FMN1: variants seen among roughly 807,000 people sequenced by gnomAD.
The protein encoded by FMN1 is formin-1.
In FMN1, 110 loss-of-function variants were observed where a neutral mutation model predicts 132.4. The ratio of observed to expected loss-of-function variants is 0.83; its 90% confidence interval spans 0.71 to 0.97. The LOEUF (loss-of-function observed/expected upper bound fraction) is 0.97, where lower values mean the gene tolerates loss of function less well. Ranked by LOEUF, FMN1 falls within the 50% of genes least tolerant of loss-of-function variation. FMN1 has a pLI of 0.00. For missense variants in FMN1, 1,792 were observed against 1,705.3 expected, an observed-to-expected ratio of 1.05 and a Z score of -0.90; for synonymous variants, 722 against 651.7, an observed-to-expected ratio of 1.11 and a Z score of -1.64.
chr15:33,078,810 A>G (rs1242777894), intron 5 of FMN1, among the ~76,000 whole-genome samples: 3 of 152,006 alleles, frequency 2.0e-5, no homozygotes, highest in South Asian at 4.1e-4. Context: ...GAGAGAGAGG[A>G]AAAAAATGCT....
intron 16 of FMN1, among the ~76,000 whole-genome samples, chr15:32,876,729 C>T (rs1393611555): frequency 2.0e-5 from 3 of 152,148 alleles, no homozygotes; most frequent in Non-Finnish European, 4.4e-5. Context: ...AGAGTCTTTA[C>T]TGAACTTTAA....
intron 4 of FMN1, among the ~76,000 whole-genome samples, chr15:33,144,505 C>G (rs893529619): frequency 6.6e-6 from 1 of 151,726 alleles, no homozygotes; most frequent in Non-Finnish European, 1.5e-5. Flanking sequence ...GGCGTGGTGG[C>G]AGGTGCCTGT....
At chr15:33,048,644 A>AACAAAAAAAAAAAC (rs1555388955) in intron 6 of FMN1, among the ~76,000 whole-genome samples, 1 of 86,920 alleles carries the variant, frequency 1.2e-5, no homozygotes. Flanking sequence ...AAAAAAAAAA[A>AACAAAAAAAAAAAC]AAAAACCAAC....
At chr15:33,005,944 T>G (rs1387889944) in intron 7 of FMN1, among the ~76,000 whole-genome samples, 2 of 152,212 alleles carry the variant, frequency 1.3e-5, no homozygotes, top group African/African-American at 2.4e-5. Context: ...TTCCACTTTT[T>G]TGTTTCTTTG....
At chr15:32,899,294 A>C (rs2060236782) in intron 14 of FMN1, among the ~76,000 whole-genome samples, 1 of 152,162 alleles carries the variant, frequency 6.6e-6, no homozygotes. Context: ...ATGGTGTGAA[A>C]AACAATCCAG....
At chr15:32,937,832 T>C (rs767109823) in intron 9 of FMN1, among the ~76,000 whole-genome samples, 2 of 151,984 alleles carry the variant, frequency 1.3e-5, no homozygotes, top group Non-Finnish European at 2.9e-5. Flanking sequence ...AGAAAAAGAG[T>C]AGAAGAAACA....
intron 10 of FMN1, among the ~76,000 whole-genome samples, chr15:32,923,081 G>A (rs374763719): frequency 2.0e-5 from 3 of 152,284 alleles, no homozygotes; most frequent in East Asian, 3.9e-4. Context: ...TGGAAAGTAT[G>A]AGTTAATCCC....
At chr15:33,188,258 T>C (rs1965957117) in intron 2 of FMN1, among the ~76,000 whole-genome samples, 1 of 152,154 alleles carries the variant, frequency 6.6e-6, no homozygotes, top group African/African-American at 2.4e-5. Context: ...GAGAATTGCT[T>C]GAACCCAGGA....
intron 6 of FMN1, among the ~76,000 whole-genome samples, chr15:33,023,650 A>G (rs1337853499): frequency 6.6e-6 from 1 of 152,180 alleles, no homozygotes; most frequent in Non-Finnish European, 1.5e-5. Flanking sequence ...AATTAATTGA[A>G]AGTGCAGCAT....
intron 17 of FMN1, among the ~76,000 whole-genome samples, chr15:32,838,597 G>A (rs1457022882): frequency 6.6e-6 from 1 of 152,166 alleles, no homozygotes; most frequent in Non-Finnish European, 1.5e-5. Flanking sequence ...TTAAAGCCCC[G>A]CTTAAAGCGG....
chr15:33,102,854 T>C (rs1444444492), intron 4 of FMN1, among the ~76,000 whole-genome samples: 3 of 152,148 alleles, frequency 2.0e-5, no homozygotes, highest in Non-Finnish European at 4.4e-5. Flanking sequence ...AAATGTACTT[T>C]TAGCAAATTT....
intron 4 of FMN1, among the ~76,000 whole-genome samples, chr15:33,112,655 T>G (rs535450812): frequency 6.6e-6 from 1 of 152,158 alleles, no homozygotes; most frequent in Non-Finnish European, 1.5e-5. Flanking sequence ...CTGGCCTATA[T>G]TCTACTTGTA....
At chr15:33,189,974 G>A (rs1350416925) in intron 2 of FMN1, among the ~76,000 whole-genome samples, 1 of 152,196 alleles carries the variant, frequency 6.6e-6, no homozygotes, top group African/African-American at 2.4e-5. Context: ...CCATAGGGAT[G>A]TGCTTTCGGT....
intron 3 of FMN1, among the ~76,000 whole-genome samples, chr15:33,168,919 G>T (rs888051404): frequency 6.6e-6 from 1 of 152,240 alleles, no homozygotes; most frequent in Non-Finnish European, 1.5e-5. Flanking sequence ...AAAAAGTGGT[G>T]CCGCCTTGGG....
At chr15:32,780,018 C>A (rs537219180) in intron 19 of FMN1, among the ~76,000 whole-genome samples, 1 of 152,336 alleles carries the variant, frequency 6.6e-6, no homozygotes, top group Admixed American at 6.5e-5. Context: ...AGAATTAATT[C>A]TCAGCCCTAT....
At chr15:33,125,865 A>C (rs1304205320) in intron 4 of FMN1, among the ~76,000 whole-genome samples, 2 of 152,232 alleles carry the variant, frequency 1.3e-5, no homozygotes, top group Non-Finnish European at 2.9e-5. Context: ...CTAAATGTTT[A>C]ACTTCTCAAG....
At chr15:33,132,889 G>A (rs1279061925) in intron 4 of FMN1, among the ~76,000 whole-genome samples, 1 of 152,082 alleles carries the variant, frequency 6.6e-6, no homozygotes, top group Non-Finnish European at 1.5e-5. Context: ...AAGTCCAGAG[G>A]GGTTGTTAGT....
chr15:32,959,043 CA>C (rs36081835), intron 9 of FMN1, among the ~76,000 whole-genome samples: 2,223 of 84,318 alleles, frequency 0.026, 41 homozygotes, highest in African/African-American at 0.065. Context: ...AACACTGTCT[CA>C]AAAAAAAAAA....
chr15:33,023,078 G>GAAAAA lies in FMN1; in HGVS notation c.2162-15008_2162-15004dup, dbSNP rs3081422. 4.7e-4 allele frequency among the ~76,000 whole-genome samples: 55 copies of GAAAAA among 116,070 alleles called. No individual in the cohort carries two copies. In the South Asian group the frequency reaches 4.9e-3, roughly 10 times the overall value. 76.1% of individuals were successfully genotyped at this position (116,070 alleles called of 152,430 possible). ...CCCACCCAAAAAAAAAAAAAAAAAA[G>GAAAAA]AAAAAAAAGACCAAACCTCAAATCC... On this transcript the variant is annotated intron_variant, in intron 6 of 20. Coordinates refer to ENST00000616417, the MANE Select transcript of FMN1 (RefSeq NM_001277313.2).
Sources: gnomAD v4.1 joint callset for allele counts (sites outside exome capture counted in the v4.1 genomes callset) on GRCh38, gnomAD v4.1.1 for gene constraint, MANE v1.5 for transcripts, NCBI Gene and HGNC (gene_info 2026-07-23, HGNC 2026-07-21) for gene names.